Variants in TANGO6 observed in about 807,000 individuals in gnomAD.
TANGO6 encodes transport and golgi organization 6 homolog, also known as transport and Golgi organization protein 6 homolog.
A neutral mutation model predicts 114.2 loss-of-function variants in TANGO6; 90 were observed. The ratio of observed to expected loss-of-function variants is 0.79; its 90% CI spans 0.66 to 0.94. The LOEUF (loss-of-function observed/expected upper bound fraction) is 0.94, where lower values mean the gene tolerates loss of function less well. Ranked by LOEUF, TANGO6 falls within the 40% of genes least tolerant of loss-of-function variation. The pLI is 0.00. For synonymous variants in TANGO6, 477 were observed against 509.8 expected (o/e 0.94, Z 0.87); for missense variants, 1,274 against 1,315.3 (o/e 0.97, Z 0.49).
intron 15 of TANGO6, among the ~76,000 whole-genome samples, chr16:69,007,989 GTCTT>G (rs1224701110): frequency 6.6e-6 from 1 of 151,958 alleles, no homozygotes; most frequent in Non-Finnish European, 1.5e-5. Context: ...TAATTGAGTT[GTCTT>G]TCTTTTTTGT....
chr16:68,926,097 A>G (rs1963164316), intron 12 of TANGO6, among the ~76,000 whole-genome samples: 1 of 151,598 alleles, frequency 6.6e-6, no homozygotes, highest in African/African-American at 2.4e-5. Context: ...GGCCAAATAG[A>G]CTGTAGGTAA....
At chr16:68,964,691 C>T (rs561040093) in intron 14 of TANGO6, among the ~76,000 whole-genome samples, 7 of 151,458 alleles carry the variant, frequency 4.6e-5, no homozygotes, top group Middle Eastern at 6.8e-3. Flanking sequence ...CTCAGCCTCC[C>T]GAGTAGCTGG....
chr16:69,033,416 C>T (rs1959631519), intron 16 of TANGO6, among the ~76,000 whole-genome samples: 1 of 152,126 alleles, frequency 6.6e-6, no homozygotes, highest in Non-Finnish European at 1.5e-5. Flanking sequence ...CCAATCTCTT[C>T]CCTTAAGGAA....
At chr16:68,851,245 C>T (rs886987117) in intron 1 of TANGO6, among the ~76,000 whole-genome samples, 10 of 152,056 alleles carry the variant, frequency 6.6e-5, no homozygotes, top group African/African-American at 1.4e-4. Flanking sequence ...CTGCAACCTC[C>T]GTCTCCCAGG....
chr16:69,039,630 T>C lies in TANGO6; in HGVS notation c.2995-678T>C, dbSNP rs924834847. 2.7e-5 allele frequency among the ~76,000 whole-genome samples: 4 copies of C among 148,654 alleles called. No homozygotes were observed. The South Asian group carries it at 8.4e-4, about 31-fold the overall frequency. ...CAGCCTGGGTGACAGAGTGAGACCCTGTCTCAAACAAAACAAAACAAAACA... is the reference window on the plus strand; with the variant it reads ...CAGCCTGGGTGACAGAGTGAGACCCCGTCTCAAACAAAACAAAACAAAACA... On this transcript the variant is annotated intron_variant, in intron 16 of 17. Transcript: ENST00000261778.
At chr16:68,909,150 T>C (rs1018003184) in intron 10 of TANGO6, 61 bp from the exon 11 acceptor site, 4 of 1,279,374 alleles carry the variant, frequency 3.1e-6, no homozygotes, top group Non-Finnish European at 4.0e-6. Flanking sequence ...CTGCTTATGT[T>C]TGAGAAGGCC....
chr16:69,002,839 C>T (rs755713898), intron 15 of TANGO6, among the ~76,000 whole-genome samples: 21 of 151,950 alleles, frequency 1.4e-4, no homozygotes, highest in African/African-American at 1.9e-4. Flanking sequence ...GTCAGAAGTT[C>T]GGGACCAGCC....
intron 14 of TANGO6, among the ~76,000 whole-genome samples, chr16:68,940,496 A>G (rs1167599894): frequency 3.9e-5 from 6 of 152,150 alleles, no homozygotes; most frequent in Admixed American, 2.6e-4. Context: ...TTGTTTTGAC[A>G]TCTTAGGAAA....
At chr16:69,018,501 G>C (rs1005887293) in intron 15 of TANGO6, among the ~76,000 whole-genome samples, 6 of 151,710 alleles carry the variant, frequency 4.0e-5, no homozygotes, top group African/African-American at 1.5e-4. Flanking sequence ...TAACTCATAG[G>C]AATTAAGTAT....
At chr16:68,875,460 T>C (rs190452403) in intron 5 of TANGO6, among the ~76,000 whole-genome samples, 170 bp downstream of exon 5, 23 of 152,284 alleles carry the variant, frequency 1.5e-4, no homozygotes, top group Non-Finnish European at 5.9e-5. Context: ...GAGACTGACC[T>C]AATTGTTCAG....
In TANGO6 at chr16:68,863,059, C is replaced by CAGGT. The variant is rs1962125164; in HGVS notation, c.852_852+3dup. 1 of 1,549,122 alleles carries CAGGT rather than the reference C, an allele frequency of 6.5e-7. No individual in the cohort carries two copies. Among genetic ancestry groups the CAGGT allele is most frequent in the African/African-American group, 1.4e-5 (1 of 73,306 alleles). ...GCTTATCCTCCAGGGAGGACCACCC[C>CAGGT]AGGTACTCAGGCCTAGGGACTCTTG... On this transcript the variant is annotated frameshift_variant and splice_region_variant, in exon 3 of 18. Coordinates refer to ENST00000261778, the MANE Select transcript of TANGO6 (RefSeq NM_024562.2). LOFTEE classifies it high-confidence loss of function.
intron 4 of TANGO6, among the ~76,000 whole-genome samples, chr16:68,870,398 G>C (rs561091963): frequency 6.8e-4 from 104 of 152,256 alleles, no homozygotes; most frequent in Middle Eastern, 6.8e-3. Context: ...CTATAATATT[G>C]CCTCCCCTCA....
intron 14 of TANGO6, among the ~76,000 whole-genome samples, chr16:68,959,420 C>G (rs1963566986): frequency 6.6e-6 from 1 of 151,938 alleles, no homozygotes; most frequent in Non-Finnish European, 1.5e-5. Context: ...AACCCTGTCT[C>G]TACTAAAAAT....
intron 14 of TANGO6, among the ~76,000 whole-genome samples, chr16:68,969,116 C>T (rs191751904): frequency 2.0e-5 from 3 of 152,284 alleles, no homozygotes; most frequent in Admixed American, 2.0e-4. Flanking sequence ...TCCTAAAATG[C>T]ATAGCTAGTT....
At chr16:68,909,166 T>A (rs756364562) in intron 10 of TANGO6, 45 bp from the exon 11 acceptor site, 1 of 1,364,044 alleles carries the variant, frequency 7.3e-7, no homozygotes, top group East Asian at 2.7e-5. Context: ...AGGCCTTAGT[T>A]GTACTGGCTT....
At chr16:68,896,928 G>A (rs999371281) in intron 7 of TANGO6, among the ~76,000 whole-genome samples, 1 of 151,850 alleles carries the variant, frequency 6.6e-6, no homozygotes, top group African/African-American at 2.4e-5. Flanking sequence ...TTTTGAGATA[G>A]AGTCTTGCTC....
At chr16:68,928,228 A>G in intron 13 of TANGO6, 145 bp downstream of exon 13, 1 of 868,050 alleles carries the variant, frequency 1.2e-6, no homozygotes, top group East Asian at 2.7e-5. Context: ...GGCAACACTT[A>G]GACACAGGAA....
At chr16:69,017,867 G>A (rs1959328565) in intron 15 of TANGO6, among the ~76,000 whole-genome samples, 1 of 151,722 alleles carries the variant, frequency 6.6e-6, no homozygotes, top group African/African-American at 2.4e-5. Context: ...CTGCAACAAA[G>A]GTAGAAAAGT....
At position 68,974,115 on chromosome 16, in the gene TANGO6, C is replaced by T; in HGVS notation, c.2789C>T (p.Pro930Leu). 1 of 1,613,932 alleles carries T rather than the reference C, an allele frequency of 6.2e-7. No homozygotes were observed. Among genetic ancestry groups the T allele is most frequent in the Non-Finnish European group, 8.5e-7 (1 of 1,179,870 alleles). Residue 930 changes from proline to leucine, a missense_variant, in exon 15 of 18, where the codon CCA becomes CTA. Physicochemically the swap from Pro to Leu is moderately conservative, Grantham distance 98. Transcript: ENST00000261778. ...QYDSSKDKHT[P>L]ETRMKVGEVL... Reference sequence around the variant, plus strand: ...GACAGCAGCAAAGACAAGCACACACCAGAGACCAGAATGAAAGTCGGGGAA... The same window carrying T: ...GACAGCAGCAAAGACAAGCACACACTAGAGACCAGAATGAAAGTCGGGGAA...
Sources: allele counts gnomAD v4.1 joint callset (sites outside exome capture counted in the v4.1 genomes callset), GRCh38; gene constraint gnomAD v4.1.1; transcripts MANE v1.5; gene names NCBI Gene and HGNC (gene_info 2026-07-23, HGNC 2026-07-21).